The following PTBP3 variants were observed in gnomAD, a reference collection of about 807,000 sequenced individuals.
PTBP3 encodes the protein polypyrimidine tract-binding protein 3.
A neutral mutation model predicts 58.7 loss-of-function variants in PTBP3; 20 were observed. The ratio of observed to expected loss-of-function variants is 0.34; its 90% CI spans 0.24 to 0.50. The LOEUF (loss-of-function observed/expected upper bound fraction) is 0.50, where lower values mean the gene tolerates loss of function less well. Ranked by LOEUF, PTBP3 falls within the 20% of genes least tolerant of loss-of-function variation. The pLI, the probability that PTBP3 is intolerant of heterozygous loss-of-function variation, is 0.98. For synonymous variants in PTBP3, 185 were observed against 219.8 expected, an observed-to-expected ratio of 0.84 and a Z score of 1.40; for missense variants, 509 against 637.2, an observed-to-expected ratio of 0.80 and a Z score of 2.17.
At chr9:112,249,097 T>A (rs1327780) in intron 7 of PTBP3, among the ~76,000 whole-genome samples, 17,915 of 152,120 alleles carry the variant, frequency 0.12, 1,419 homozygotes, top group Admixed American at 0.23. Context: ...CTTTAAAAAA[T>A]TTTTAAGTTG....
chr9:112,220,263 G>A lies in PTBP3; in HGVS notation c.*3588C>T. 1 of 1,340,982 alleles carries A rather than the reference G, an allele frequency of 7.5e-7. No individual in the cohort carries two copies. Among genetic ancestry groups the A allele is most frequent in the Non-Finnish European group, 9.8e-7 (1 of 1,016,816 alleles). The allele number at this position is 1,340,982 out of a possible 1,614,324, so 83.1% of individuals were successfully genotyped here. A position where few individuals can be genotyped will look rare whatever the true frequency, so the allele number is the denominator to read the frequency against. The stretch of plus-strand genomic sequence containing the variant: ...GTAAGCACTGCTGACTGATGGCACG[G>A]AGACACTGAAAAGAACAGAGAGCCA... On this transcript the variant is annotated 3_prime_UTR_variant, in exon 14 of 14. Transcript: ENST00000374257.
intron 9 of PTBP3, among the ~76,000 whole-genome samples, 154 bp downstream of exon 9, chr9:112,231,944 GA>G (rs1835222161): frequency 1.3e-5 from 1 of 79,656 alleles, no homozygotes; most frequent in South Asian, 4.4e-4. Flanking sequence ...GAAGAGAAGA[GA>G]AGAGAAGAGA....
At chr9:112,301,194 G>A (rs1206719398) in intron 1 of PTBP3, among the ~76,000 whole-genome samples, 1 of 152,004 alleles carries the variant, frequency 6.6e-6, no homozygotes. Flanking sequence ...GATTTGAAAA[G>A]GTATTTCTCC....
intron 2 of PTBP3, among the ~76,000 whole-genome samples, chr9:112,295,601 T>TAAAAA (rs35276003): frequency 2.4e-4 from 22 of 92,386 alleles, no homozygotes; most frequent in East Asian, 3.1e-4. Context: ...GTTCTGTTGG[T>TAAAAA]AAAAAAAAAA....
chr9:112,300,982 G>A (rs999878679), intron 1 of PTBP3, among the ~76,000 whole-genome samples: 42 of 59,986 alleles, frequency 7.0e-4, no homozygotes, highest in Middle Eastern at 6.5e-3. Flanking sequence ...CCAAAAGCAC[G>A]AATGGCAATA....
chr9:112,276,159 G>A lies in PTBP3; in HGVS notation c.35-146C>T, dbSNP rs563366159. ...GGGGCTGATGGGGGTAGGTGGAAAAGGAGAGTAGAAAACAAAACCAACTAC... is the reference window on the plus strand; with the variant it reads ...GGGGCTGATGGGGGTAGGTGGAAAAAGAGAGTAGAAAACAAAACCAACTAC... On this transcript the variant is annotated intron_variant, in intron 2 of 13. Transcript: ENST00000374257. The A allele has an allele frequency of 2.2e-5, 15 of 669,214 alleles. No homozygotes were observed. The East Asian group carries it at 4.3e-4, about 19-fold the overall frequency. The allele number at this position is 669,214 out of a possible 1,614,324, so 41.5% of individuals were successfully genotyped here.
At chr9:112,357,892 G>A in the PTBP3 span, among the ~76,000 whole-genome samples, 1 of 152,184 alleles carries the variant, frequency 6.6e-6, no homozygotes, top group Non-Finnish European at 1.5e-5. Flanking sequence ...AAAACTGGAA[G>A]AGTTGGAGAT....
At chr9:112,291,438 C>T (rs1308961158) in intron 2 of PTBP3, among the ~76,000 whole-genome samples, 2 of 151,528 alleles carry the variant, frequency 1.3e-5, no homozygotes, top group Non-Finnish European at 2.9e-5. Flanking sequence ...AAAACAAAGC[C>T]GAAGGCCTCA....
intron 7 of PTBP3, among the ~76,000 whole-genome samples, chr9:112,241,555 T>TA (rs1589812527): frequency 6.6e-6 from 1 of 150,648 alleles, no homozygotes; most frequent in Non-Finnish European, 1.5e-5. Context: ...CACAAATACT[T>TA]ACCATATGTT....
chr9:112,334,052 A>G (rs1313498675), upstream of PTBP3, among the ~76,000 whole-genome samples: 3 of 151,578 alleles, frequency 2.0e-5, no homozygotes. Context: ...CAAGAGTAGG[A>G]AGGAATGTCC....
chr9:112,239,038 G>T (rs960590750), intron 7 of PTBP3, among the ~76,000 whole-genome samples: 5 of 152,120 alleles, frequency 3.3e-5, no homozygotes, highest in African/African-American at 9.7e-5. Context: ...AAATTGCCAA[G>T]ACTAAAGTCA....
intron 8 of PTBP3, among the ~76,000 whole-genome samples, chr9:112,233,275 GTGT>G (rs1564393107): frequency 3.2e-3 from 16 of 4,976 alleles, no homozygotes; most frequent in East Asian, 0.029. Flanking sequence ...ACTGTAGGGT[GTGT>G]GTGTGTGTGT....
chr9:112,290,312 T>G (rs984172707), intron 2 of PTBP3, among the ~76,000 whole-genome samples: 5 of 152,286 alleles, frequency 3.3e-5, no homozygotes, highest in African/African-American at 1.2e-4. Context: ...TCGATTTCAT[T>G]AATATTTATG....
At chr9:112,332,949 G>C (rs977921938) in intron 1 of PTBP3, 58 of 1,469,314 alleles carry the variant, frequency 3.9e-5, no homozygotes, top group Non-Finnish European at 5.0e-5. Flanking sequence ...ACCCCGCGTG[G>C]GACCATGGCT....
intron 10 of PTBP3, among the ~76,000 whole-genome samples, chr9:112,230,813 T>C (rs1461689098): frequency 1.3e-5 from 2 of 152,256 alleles, no homozygotes; most frequent in African/African-American, 2.4e-5. Context: ...CATATTTCTA[T>C]GCTGTTCGAA....
chr9:112,252,811 T>G, intron 5 of PTBP3, 23 bp from the exon 6 acceptor site: 4 of 1,344,078 alleles, frequency 3.0e-6, no homozygotes, highest in Non-Finnish European at 3.2e-6. Flanking sequence ...TCACATTAGG[T>G]TAAATGTAAA....
intron 2 of PTBP3, among the ~76,000 whole-genome samples, chr9:112,292,641 G>A (rs1828489689): frequency 6.6e-6 from 1 of 152,114 alleles, no homozygotes; most frequent in Non-Finnish European, 1.5e-5. Flanking sequence ...AATGAACCTT[G>A]AGGACACTAT....
At chr9:112,258,427 T>C (rs1836462057) in intron 5 of PTBP3, among the ~76,000 whole-genome samples, 1 of 152,236 alleles carries the variant, frequency 6.6e-6, no homozygotes, top group African/African-American at 2.4e-5. Context: ...AATTCTTTCC[T>C]GAATCCAGAC....
intron 12 of PTBP3, among the ~76,000 whole-genome samples, chr9:112,225,602 T>A (rs1034777892): frequency 5.9e-5 from 9 of 152,200 alleles, no homozygotes; most frequent in South Asian, 2.1e-4. Context: ...ACAGTTTTTT[T>A]AAAAAAGGTT....
Sources: gnomAD v4.1 joint callset for allele counts (sites outside exome capture counted in the v4.1 genomes callset) on GRCh38, gnomAD v4.1.1 for gene constraint, MANE v1.5 for transcripts, NCBI Gene and HGNC (gene_info 2026-07-23, HGNC 2026-07-21) for gene names.